Variants in JADE3 observed in about 807,000 individuals in gnomAD.
JADE3 encodes the protein jade family PHD finger 3.
JADE3 carries 2 observed loss-of-function variants against 50.1 expected under a neutral mutation model. The observed-to-expected ratio is 0.04, with a 90% CI of 0.02 to 0.13. JADE3 has a LOEUF of 0.13. Among genes scored for constraint, JADE3 ranks in the 10% least tolerant of loss-of-function variants. The pLI, the probability that JADE3 is intolerant of heterozygous loss-of-function variation, is 1.00. For missense variants in JADE3, 475 were observed against 634.4 expected (o/e 0.75, Z 2.70); for synonymous variants, 218 against 232.9 (o/e 0.94, Z 0.58).
At chrX:46,935,454 G>A (rs782419282) in intron 1 of JADE3, among the ~76,000 whole-genome samples, 4 of 110,552 alleles carry the variant, frequency 3.6e-5, no homozygotes, top group Non-Finnish European at 7.5e-5. Context: ...TCTGTGGCCT[G>A]TTAGGAACCA....
intron 10 of JADE3, 128 bp from the exon 11 acceptor site, chrX:47,058,039 T>C (rs897722701): frequency 1.8e-6 from 1 of 546,965 alleles, no homozygotes; most frequent in Admixed American, 3.7e-5. Context: ...CACCATGATA[T>C]ACATACATAG....
At chrX:46,968,448 C>T (rs1312170386) in intron 1 of JADE3, among the ~76,000 whole-genome samples, 4 of 111,004 alleles carry the variant, frequency 3.6e-5, no homozygotes, top group Non-Finnish European at 7.5e-5. Flanking sequence ...GTAGTGCACA[C>T]CTGTAGTCCT....
At chrX:47,001,442 C>T (rs782032722) in intron 4 of JADE3, among the ~76,000 whole-genome samples, 1 of 111,720 alleles carries the variant, frequency 9.0e-6, no homozygotes, top group East Asian at 2.8e-4. Flanking sequence ...TGGAAATCTC[C>T]ATACTTTTAT....
At chrX:46,949,245 A>G (rs1309159106) in intron 1 of JADE3, among the ~76,000 whole-genome samples, 4 of 111,052 alleles carry the variant, frequency 3.6e-5, no homozygotes, top group Non-Finnish European at 5.7e-5. Context: ...AGCCAAATCT[A>G]CTCTACTAGT....
chrX:47,015,433 AATTAGCTGGGTGTGGTGGCTT>A (rs1928647861), intron 4 of JADE3, among the ~76,000 whole-genome samples: 1 of 109,588 alleles, frequency 9.1e-6, no homozygotes, highest in African/African-American at 3.3e-5. Context: ...AATACAAAAA[AATTAGCTGGGTGTGGTGGCTT>A]ATGCCTGTAA....
intron 8 of JADE3, among the ~76,000 whole-genome samples, chrX:47,049,699 G>A (rs1231108360): frequency 3.7e-5 from 4 of 107,422 alleles, no homozygotes; most frequent in African/African-American, 1.4e-4. Context: ...TTGCGTCTTG[G>A]CCTCCCAAAG....
Position 46,941,130 on chromosome X carries a change from G to T in JADE3, c.-12+28411G>T, listed in dbSNP as rs137957030. 6.6e-3 allele frequency among the ~76,000 whole-genome samples: 726 copies of T among 109,630 alleles called. 4 individuals are homozygous for T. The highest frequency in any genetic ancestry group is 9.5e-3 in the Non-Finnish European group (502 of 52,729). On this transcript the variant is annotated intron_variant, in intron 1 of 10. Coordinates refer to ENST00000614628, the MANE Select transcript of JADE3 (RefSeq NM_014735.5). Reference sequence around the variant, plus strand: ...GTAGTCCCCATCTTTATGTCTGTGTGTACCCAGTGTTTAGCTCCTGCTTAT... The same window carrying T: ...GTAGTCCCCATCTTTATGTCTGTGTTTACCCAGTGTTTAGCTCCTGCTTAT...
intron 3 of JADE3, among the ~76,000 whole-genome samples, chrX:46,991,067 T>TC (rs1927989923): frequency 4.5e-3 from 1 of 221 alleles, no homozygotes. Context: ...CCTCACTCCC[T>TC]CCCTCCCCCC....
chrX:46,995,076 C>G (rs782316818), intron 3 of JADE3, among the ~76,000 whole-genome samples: 2 of 104,592 alleles, frequency 1.9e-5, no homozygotes, highest in African/African-American at 7.1e-5. Context: ...GTCGCCCAGG[C>G]TGGAGTGCAG....
chrX:47,002,253 G>A (rs782307378), intron 4 of JADE3, among the ~76,000 whole-genome samples: 2 of 110,947 alleles, frequency 1.8e-5, no homozygotes, highest in South Asian at 3.7e-4. Flanking sequence ...ATTTAAATGC[G>A]TGAACCATTT....
rs372342525 is a variant in JADE3, at chrX:47,059,056, C to T, written c.2451C>T (p.Ser817=). ...GTAAAAGCAAGACACATCCCCTTTC[C>T]CACAGTTCAATGCAAAGGTGATTAG... The part of the protein sequence containing the change: ...CHGKSKTHPL[S]HSSMQR Residue 817 remains serine (S), a synonymous_variant, in exon 11 of 11, where the codon TCC becomes TCT. Coordinates refer to ENST00000614628, the MANE Select transcript of JADE3 (RefSeq NM_014735.5). 1 of 1,195,180 alleles carries T rather than the reference C, an allele frequency of 8.4e-7. No homozygotes were observed. Among genetic ancestry groups the T allele is most frequent in the African/African-American group, 1.8e-5 (1 of 57,025 alleles).
At chrX:46,916,963 G>C (rs1926099320) in intron 1 of JADE3, among the ~76,000 whole-genome samples, 1 of 111,550 alleles carries the variant, frequency 9.0e-6, no homozygotes, top group Non-Finnish European at 1.9e-5. Context: ...AGATGACAAG[G>C]TTCATGAGTT....
chrX:47,013,735 C>T (rs1325902157), intron 4 of JADE3, among the ~76,000 whole-genome samples: 6 of 112,053 alleles, frequency 5.4e-5, no homozygotes, highest in Admixed American at 1.9e-4. Context: ...CCCATTGAAA[C>T]TCTCACAAAA....
intron 1 of JADE3, among the ~76,000 whole-genome samples, chrX:46,977,968 T>TG (rs1192572196): frequency 9.0e-6 from 1 of 111,141 alleles, no homozygotes; most frequent in African/African-American, 3.3e-5. Context: ...CAGGATTGGG[T>TG]GGGGGCAGCA....
intron 1 of JADE3, among the ~76,000 whole-genome samples, chrX:46,943,539 C>G (rs1340298621): frequency 8.9e-6 from 1 of 112,250 alleles, no homozygotes; most frequent in Non-Finnish European, 1.9e-5. Context: ...ATATGTTGAA[C>G]TAACCTAGTA....
intron 8 of JADE3, among the ~76,000 whole-genome samples, chrX:47,047,938 A>G (rs1929413289): frequency 8.9e-6 from 1 of 112,055 alleles, no homozygotes; most frequent in African/African-American, 3.2e-5. Context: ...GGCATGGTCC[A>G]GGAGAGACCT....
chrX:46,976,312 G>T (rs782445523), intron 1 of JADE3, among the ~76,000 whole-genome samples: 176 of 111,910 alleles, frequency 1.6e-3, no homozygotes, highest in South Asian at 5.3e-3. Context: ...CGCAGGCTTA[G>T]GTTCCAGTCC....
At chrX:46,940,676 G>T (rs1283958934) in intron 1 of JADE3, among the ~76,000 whole-genome samples, 5 of 110,885 alleles carry the variant, frequency 4.5e-5, no homozygotes, top group Admixed American at 3.8e-4. Flanking sequence ...CCCTATAGAG[G>T]CCTTTCTTCT....
chrX:47,023,604 C>T (rs1556364926), intron 4 of JADE3, among the ~76,000 whole-genome samples: 1 of 112,317 alleles, frequency 8.9e-6, no homozygotes, highest in Non-Finnish European at 1.9e-5. Context: ...GCTAAGAAAA[C>T]TGAACCTTAT....
Sources: gnomAD v4.1 joint callset for allele counts (sites outside exome capture counted in the v4.1 genomes callset) on GRCh38, gnomAD v4.1.1 for gene constraint, MANE v1.5 for transcripts, NCBI Gene and HGNC (gene_info 2026-07-23, HGNC 2026-07-21) for gene names.